Variants in MPDZ observed in about 807,000 individuals in gnomAD.
MPDZ encodes multiple PDZ domain protein.
In MPDZ, 234 loss-of-function variants were observed where a neutral mutation model predicts 239.1. That is an observed-to-expected ratio of 0.98 (90% confidence interval 0.88 to 1.09). The LOEUF (loss-of-function observed/expected upper bound fraction) is 1.09. Among genes scored for constraint, MPDZ ranks in the 50% least tolerant of loss-of-function variants. MPDZ has a pLI of 0.00. For synonymous variants in MPDZ, 1,048 were observed against 881.3 expected (o/e 1.19, Z -3.35); for missense variants, 3,175 against 2,510.0 (o/e 1.26, Z -5.66).
At chr9:13,175,716 TGAG>T (rs3831219) in intron 21 of MPDZ, 33 bp downstream of exon 21, 1,007,923 of 1,549,384 alleles carry the variant, frequency 0.65, 340,926 homozygotes, top group Non-Finnish European at 0.69. Context: ...TCAAGGGGGT[TGAG>T]GAGTAGGTAT....
At chr9:13,195,976 TG>T (rs550772597) in intron 13 of MPDZ, 144 bp downstream of exon 13, 30 of 519,192 alleles carry the variant, frequency 5.8e-5, no homozygotes, top group Non-Finnish European at 1.0e-4. Context: ...TTTTATTACC[TG>T]GATCACCATA....
At chr9:13,172,948 A>T (rs1951982540) in intron 21 of MPDZ, among the ~76,000 whole-genome samples, 1 of 152,266 alleles carries the variant, frequency 6.6e-6, no homozygotes, top group Admixed American at 6.5e-5. Flanking sequence ...ATGGAATATT[A>T]TTCAGCCTTA....
chr9:13,275,531 C>T (rs1973968497), intron 1 of MPDZ, among the ~76,000 whole-genome samples: 1 of 152,150 alleles, frequency 6.6e-6, no homozygotes, highest in Non-Finnish European at 1.5e-5. Flanking sequence ...CAAACTAATA[C>T]AGATTTTGGT....
In MPDZ at chr9:13,170,341, C is replaced by T. The variant is rs112017445; in HGVS notation, c.3056-1777G>A. 6.4e-3 allele frequency among the ~76,000 whole-genome samples: 969 copies of T among 152,218 alleles called. 13 individuals are homozygous for T. The highest frequency in any genetic ancestry group is 0.022 in the African/African-American group (924 of 41,544). ...TAGTGGATGTGGGCAATTCAGGCTC[C>T]TACTTACTGTTTTCTGATAGAAATA... On this transcript the variant is annotated intron_variant, in intron 21 of 46. Coordinates refer to ENST00000319217, the MANE Select transcript of MPDZ (RefSeq NM_001378778.1).
Position 13,119,386 on chromosome 9 carries a change from T to G in MPDZ, c.5379+116A>C, listed in dbSNP as rs1011147090. ...AGGCGTGAGCCATTGCACCTGGCCTTGAGGTGACACTTTAAATAAAGAGAA... is the reference window on the plus strand; with the variant it reads ...AGGCGTGAGCCATTGCACCTGGCCTGGAGGTGACACTTTAAATAAAGAGAA... On this transcript the variant is annotated intron_variant, in intron 39 of 46. Coordinates refer to ENST00000319217, the MANE Select transcript of MPDZ (RefSeq NM_001378778.1). 4.7e-6 allele frequency: 6 copies of G among 1,278,456 alleles called. No homozygotes were observed. The Admixed American group carries it at 1.3e-4, about 27-fold the overall frequency. The allele number at this position is 1,278,456 out of a possible 1,614,324, so 79.2% of individuals were successfully genotyped here.
Position 13,106,100 on chromosome 9 carries a change from C to T in MPDZ, c.*865G>A, listed in dbSNP as rs1196298140. The T allele has an allele frequency of 6.6e-6, 1 of 152,132 alleles. No individual in the cohort carries two copies. The highest frequency in any genetic ancestry group is 2.4e-5 in the African/African-American group (1 of 41,440). The allele number at this position is 152,132 out of a possible 1,614,324, so 9.4% of individuals were successfully genotyped here. On this transcript the variant is annotated 3_prime_UTR_variant, in exon 47 of 47. Transcript: ENST00000319217. The stretch of plus-strand genomic sequence containing the variant: ...AAACCAATTGCACAGCACACTAACA[C>T]ATTTTTAATGTTGCATCGGTTGTTA...
intron 1 of MPDZ, among the ~76,000 whole-genome samples, chr9:13,268,175 C>CAG (rs1213664424): frequency 3.4e-5 from 5 of 148,696 alleles, no homozygotes; most frequent in Non-Finnish European, 7.5e-5. Flanking sequence ...TATATACACA[C>CAG]ATAGAGAGAG....
chr9:13,165,782 T>C (rs1415911376), intron 22 of MPDZ, among the ~76,000 whole-genome samples: 4 of 152,098 alleles, frequency 2.6e-5, no homozygotes, highest in Non-Finnish European at 4.4e-5. Flanking sequence ...TACAGAAATA[T>C]AAGAGCTCCT....
At chr9:13,189,689 T>C (rs1219616271) in intron 16 of MPDZ, among the ~76,000 whole-genome samples, 1 of 152,168 alleles carries the variant, frequency 6.6e-6, no homozygotes, top group African/African-American at 2.4e-5. Flanking sequence ...TTAAGTATAT[T>C]CATAAATTTA....
At chr9:13,205,774 C>T (rs535162438) in intron 11 of MPDZ, 142 bp downstream of exon 11, 6 of 709,646 alleles carry the variant, frequency 8.5e-6, no homozygotes, top group African/African-American at 7.3e-5. Flanking sequence ...CTTTACTCGC[C>T]TTGGTTTATA....
Position 13,221,546 on chromosome 9 carries a change from C to T in MPDZ, c.748-46G>A, listed in dbSNP as rs1247161763. The T allele has an allele frequency of 2.5e-6, 4 of 1,583,866 alleles. No individual in the cohort carries two copies. The South Asian group carries it at 4.7e-5, about 19-fold the overall frequency. Reference sequence around the variant, plus strand: ...TGAATTTGTAGAAATTTACAAAGCACTACCATTTTACATTACAGTAGAAAT... The same window carrying T: ...TGAATTTGTAGAAATTTACAAAGCATTACCATTTTACATTACAGTAGAAAT... On this transcript the variant is annotated intron_variant, in intron 6 of 46. Coordinates refer to ENST00000319217, the MANE Select transcript of MPDZ (RefSeq NM_001378778.1).
chr9:13,137,108 C>G (rs1451920953), intron 29 of MPDZ, among the ~76,000 whole-genome samples: 1 of 152,018 alleles, frequency 6.6e-6, no homozygotes, highest in Non-Finnish European at 1.5e-5. Context: ...GCACTGGGCT[C>G]CCAGCATGCT....
At chr9:13,239,752 G>A (rs1218941059) in intron 3 of MPDZ, among the ~76,000 whole-genome samples, 1 of 152,074 alleles carries the variant, frequency 6.6e-6, no homozygotes, top group East Asian at 1.9e-4. Flanking sequence ...TGGACTTTAT[G>A]CCAAAAGTGG....
chr9:13,163,778 G>C (rs150628978), intron 22 of MPDZ, among the ~76,000 whole-genome samples: 54 of 152,084 alleles, frequency 3.6e-4, no homozygotes, highest in African/African-American at 1.1e-3. Context: ...CAGCACTGGA[G>C]GGCAAAGATA....
chr9:13,226,736 C>A (rs1960741369), intron 3 of MPDZ, among the ~76,000 whole-genome samples: 2 of 152,092 alleles, frequency 1.3e-5, no homozygotes, highest in Non-Finnish European at 2.9e-5. Context: ...TCAGTGGAGA[C>A]CGACTAGAAT....
chr9:13,219,444 C>A, intron 8 of MPDZ, 115 bp downstream of exon 8: 1 of 861,200 alleles, frequency 1.2e-6, no homozygotes. Flanking sequence ...AATTTCATTC[C>A]ATTCTTTAGC....
At chr9:13,270,743 C>T (rs1234805095) in intron 1 of MPDZ, among the ~76,000 whole-genome samples, 1 of 152,092 alleles carries the variant, frequency 6.6e-6, no homozygotes, top group East Asian at 1.9e-4. Flanking sequence ...ATGATATTTC[C>T]ATTGGCCAGA....
chr9:13,132,054 T>G (rs1946075191), intron 32 of MPDZ, among the ~76,000 whole-genome samples: 1 of 152,214 alleles, frequency 6.6e-6, no homozygotes, highest in Non-Finnish European at 1.5e-5. Flanking sequence ...GCTTTAGATT[T>G]GTTTGAAATC....
intron 12 of MPDZ, 93 bp from the exon 13 acceptor site, chr9:13,196,323 T>C (rs894395439): frequency 6.9e-5 from 55 of 799,574 alleles, no homozygotes; most frequent in African/African-American, 2.4e-4. Flanking sequence ...CAGAACCCGC[T>C]GTATCACGTC....
Sources: allele counts gnomAD v4.1 joint callset (sites outside exome capture counted in the v4.1 genomes callset), GRCh38; gene constraint gnomAD v4.1.1; transcripts MANE v1.5; gene names NCBI Gene and HGNC (gene_info 2026-07-23, HGNC 2026-07-21).